Variants in MYRFL observed in about 807,000 individuals in gnomAD.
MYRFL encodes the protein myelin regulatory factor like.
MYRFL carries 88 observed loss-of-function variants against 109.4 expected under a neutral mutation model. The observed-to-expected ratio is 0.80, with a 90% CI of 0.68 to 0.96. The LOEUF is 0.96. Ranked by LOEUF, MYRFL falls within the 40% of genes least tolerant of loss-of-function variation. MYRFL has a pLI of 0.00. For synonymous variants in MYRFL, 324 were observed against 320.9 expected (o/e 1.01, Z -0.10); for missense variants, 957 against 954.9 (o/e 1.00, Z -0.03).
At chr12:69,935,596 C>G (rs810961) in intron 16 of MYRFL, among the ~76,000 whole-genome samples, 39,407 of 152,138 alleles carry the variant, frequency 0.26, 5,407 homozygotes, top group Non-Finnish European at 0.32. Flanking sequence ...CTGACCTGTT[C>G]AGCGTATTGT....
intron 1 of MYRFL, among the ~76,000 whole-genome samples, chr12:69,853,878 G>A (rs550655040): frequency 1.0e-3 from 154 of 152,006 alleles, no homozygotes; most frequent in African/African-American, 3.5e-3. Flanking sequence ...CGGTGGGGCA[G>A]AGGGGCTCCT....
At position 69,878,903 on chromosome 12, in the gene MYRFL, C is replaced by T. The variant is rs1885863838; in HGVS notation, c.138-125C>T. On this transcript the variant is annotated intron_variant, in intron 2 of 24. Coordinates refer to ENST00000552032, the MANE Select transcript of MYRFL (RefSeq NM_182530.3). ...GGTCTCACTTCCCAAACCCCTCACCCCCCCATGCCCAGCACCTGGAACCAT... is the reference window on the plus strand; with the variant it reads ...GGTCTCACTTCCCAAACCCCTCACCTCCCCATGCCCAGCACCTGGAACCAT... The T allele has an allele frequency of 1.5e-5, 10 of 664,762 alleles. 1 individual carries two copies. The South Asian group carries it at 1.7e-4, about 11-fold the overall frequency. 41.2% of individuals were successfully genotyped at this position (664,762 alleles called of 1,614,324 possible).
chr12:69,837,915 C>T (rs1883043210), intron 1 of MYRFL, among the ~76,000 whole-genome samples: 1 of 152,156 alleles, frequency 6.6e-6, no homozygotes, highest in Admixed American at 6.5e-5. Flanking sequence ...CTTCTTCATT[C>T]TTGTAGCCTC....
In MYRFL at chr12:69,950,568, G is replaced by C. The variant is rs1026224748; in HGVS notation, c.2225-1545G>C. Among the ~76,000 whole-genome samples, 4 of 152,260 alleles carry C rather than the reference G, an allele frequency of 2.6e-5. No individual in the cohort carries two copies. In the East Asian group the frequency reaches 7.7e-4, roughly 29 times the overall value. On this transcript the variant is annotated intron_variant, in intron 19 of 24. Transcript: ENST00000552032. ...TCCTTTGCAACTTCATATGAGCCAG[G>C]CTTCAGTTGAGCAGAGAAGTTGACT...
At chr12:69,901,904 A>ATTTTTC (rs1183685772) in intron 10 of MYRFL, among the ~76,000 whole-genome samples, 1 of 109,002 alleles carries the variant, frequency 9.2e-6, no homozygotes, top group Non-Finnish European at 2.0e-5. Flanking sequence ...TTTTTTTTAA[A>ATTTTTC]TTTTCTTGAG....
rs148761092 is a variant in MYRFL at position 69,906,111 on chromosome 12, T to C, written c.1383+2267T>C. On this transcript the variant is annotated intron_variant, in intron 11 of 24. Transcript: ENST00000552032. The stretch of plus-strand genomic sequence containing the variant: ...TCAAATATGTTACCTAATACTACAA[T>C]TGGGGAAAATGGATATGGGCTGCTG... 1.6e-3 allele frequency among the ~76,000 whole-genome samples: 242 copies of C among 152,282 alleles called. 1 individual carries two copies. Among genetic ancestry groups the C allele is most frequent in the Non-Finnish European group, 2.9e-3 (194 of 68,004 alleles).
At chr12:69,937,679 A>T (rs1955513745) in intron 19 of MYRFL, among the ~76,000 whole-genome samples, 1 of 152,246 alleles carries the variant, frequency 6.6e-6, no homozygotes, top group African/African-American at 2.4e-5. Flanking sequence ...TTTTAAACGG[A>T]TGGGGAAGAA....
At chr12:69,919,789 G>T (rs1336908067) in intron 13 of MYRFL, among the ~76,000 whole-genome samples, 2 of 152,128 alleles carry the variant, frequency 1.3e-5, no homozygotes, top group Non-Finnish European at 2.9e-5. Flanking sequence ...TATTCCCATG[G>T]TTTTATTATA....
chr12:69,944,451 A>G (rs1198040425), intron 19 of MYRFL, among the ~76,000 whole-genome samples: 13 of 146,150 alleles, frequency 8.9e-5, no homozygotes, highest in East Asian at 6.0e-4. Context: ...ACCAAACACC[A>G]CATATTCTCA....
At chr12:69,955,230 A>G (rs1956065755) in intron 21 of MYRFL, 133 bp from the exon 22 acceptor site, 1 of 379,546 alleles carries the variant, frequency 2.6e-6, no homozygotes, top group South Asian at 1.0e-4. Context: ...ACCAGGTTGA[A>G]CTCAGTTTTC....
At chr12:69,947,989 G>A (rs1955882846) in intron 19 of MYRFL, among the ~76,000 whole-genome samples, 1 of 152,086 alleles carries the variant, frequency 6.6e-6, no homozygotes, top group Admixed American at 6.6e-5. Flanking sequence ...TAGTTTGTTG[G>A]GAGAGCTCAT....
At chr12:69,825,634 C>T (rs887889303) in intron 1 of MYRFL, 71 bp downstream of exon 1, 8 of 680,402 alleles carry the variant, frequency 1.2e-5, no homozygotes, top group African/African-American at 3.6e-5. Flanking sequence ...TCACCTTTTC[C>T]GTATTCACTT....
intron 1 of MYRFL, 107 bp from the exon 2 acceptor site, chr12:69,855,173 A>G: frequency 1.8e-6 from 1 of 541,226 alleles, no homozygotes; most frequent in Non-Finnish European, 3.3e-6. Context: ...CCTTGTGGAT[A>G]CAATAAGAAA....
At chr12:69,903,952 C>T in intron 11 of MYRFL, 108 bp downstream of exon 11, 1 of 1,025,950 alleles carries the variant, frequency 9.7e-7, no homozygotes, top group Non-Finnish European at 1.4e-6. Flanking sequence ...ACATGTCACC[C>T]ACTGGTGTGA....
At chr12:69,866,588 A>C (rs1885029165) in intron 2 of MYRFL, among the ~76,000 whole-genome samples, 1 of 152,136 alleles carries the variant, frequency 6.6e-6, no homozygotes, top group African/African-American at 2.4e-5. Flanking sequence ...ACCTGGGTTT[A>C]CTACAAATCA....
At chr12:69,956,049 C>T (rs1172844524) in intron 22 of MYRFL, among the ~76,000 whole-genome samples, 1 of 152,050 alleles carries the variant, frequency 6.6e-6, no homozygotes, top group Non-Finnish European at 1.5e-5. Context: ...TTAATAACTG[C>T]CATTTGCTGA....
At chr12:69,932,453 C>T (rs534739971) in intron 15 of MYRFL, 60 bp from the exon 16 acceptor site, 1 of 1,154,372 alleles carries the variant, frequency 8.7e-7, no homozygotes, top group East Asian at 2.6e-5. Flanking sequence ...GTTCTCCAGG[C>T]TCCCTTCTCA....
In MYRFL at chr12:69,959,039, A is replaced by AACAC. The variant is rs1956156439; in HGVS notation, c.*510_*513dup. 6.4e-6 allele frequency: 1 copy of AACAC among 156,458 alleles called. No individual in the cohort carries two copies. Among genetic ancestry groups the AACAC allele is most frequent in the African/African-American group, 2.4e-5 (1 of 41,438 alleles). 9.7% of individuals were successfully genotyped at this position (156,458 alleles called of 1,614,324 possible). A position where few individuals can be genotyped will look rare whatever the true frequency, so the allele number is the denominator to read the frequency against. ...GTCCTATGTGTGTGTGTATTGTATA[A>AACAC]ACACATACACTAGAGTACAGAATGT... On this transcript the variant is annotated 3_prime_UTR_variant, in exon 25 of 25. Transcript: ENST00000552032.
chr12:69,899,822 T>C (rs1954123357), intron 10 of MYRFL, among the ~76,000 whole-genome samples: 1 of 152,124 alleles, frequency 6.6e-6, no homozygotes, highest in Non-Finnish European at 1.5e-5. Context: ...GCTTTAGAAG[T>C]ATATTATGGT....
Sources: gnomAD v4.1 joint callset for allele counts (sites outside exome capture counted in the v4.1 genomes callset) on GRCh38, gnomAD v4.1.1 for gene constraint, MANE v1.5 for transcripts, NCBI Gene and HGNC (gene_info 2026-07-23, HGNC 2026-07-21) for gene names.